Variants in SEL1L3 observed in about 807,000 individuals in gnomAD.
SEL1L3 encodes SEL1L family member 3.
A neutral mutation model predicts 142.8 loss-of-function variants in SEL1L3; 76 were observed. The observed-to-expected ratio is 0.53, with a 90% CI of 0.44 to 0.64. SEL1L3 has a LOEUF of 0.64. Ranked by LOEUF, SEL1L3 falls within the 30% of genes least tolerant of loss-of-function variation. SEL1L3 has a pLI of 0.00. For synonymous variants in SEL1L3, 504 were observed against 519.6 expected, an observed-to-expected ratio of 0.97 and a Z score of 0.41; for missense variants, 1,262 against 1,381.7, an observed-to-expected ratio of 0.91 and a Z score of 1.37.
chr4:25,787,820 T>A (rs1711957300), intron 13 of SEL1L3, among the ~76,000 whole-genome samples: 1 of 152,156 alleles, frequency 6.6e-6, no homozygotes, highest in Non-Finnish European at 1.5e-5. Flanking sequence ...AAAACCAAGA[T>A]CTTTATTTTC....
intron 19 of SEL1L3, among the ~76,000 whole-genome samples, chr4:25,767,245 A>G (rs910338980): frequency 6.6e-6 from 1 of 152,180 alleles, no homozygotes; most frequent in Non-Finnish European, 1.5e-5. Context: ...AGATCATTCC[A>G]CTGCACTCCA....
intron 6 of SEL1L3, among the ~76,000 whole-genome samples, chr4:25,823,822 A>G (rs1181834931): frequency 6.6e-6 from 1 of 152,130 alleles, no homozygotes; most frequent in Non-Finnish European, 1.5e-5. Flanking sequence ...AGGGCAAGCT[A>G]CCCACAGTTG....
intron 11 of SEL1L3, among the ~76,000 whole-genome samples, chr4:25,795,824 T>A (rs2109204786): frequency 6.6e-6 from 1 of 152,124 alleles, no homozygotes; most frequent in South Asian, 2.1e-4. Context: ...CACAAAGACT[T>A]CGGAGGCAGG....
chr4:25,807,264 G>A (rs1394563162), intron 9 of SEL1L3, among the ~76,000 whole-genome samples: 10 of 152,110 alleles, frequency 6.6e-5, no homozygotes, highest in Admixed American at 2.0e-4. Flanking sequence ...CCAACAACGT[G>A]GCATTGAACA....
chr4:25,736,460 G>A, the SEL1L3 span, among the ~76,000 whole-genome samples: 1 of 151,528 alleles, frequency 6.6e-6, no homozygotes, highest in Admixed American at 6.6e-5. Flanking sequence ...CTGACCTCAG[G>A]TGATCCACCC....
Position 25,749,557 on chromosome 4 carries a change from C to T in SEL1L3, c.3260-993G>A, listed in dbSNP as rs759610654. ...ATCACTGCACAAGCCCCCCACAGCC[C>T]GGCCTAATTTTAAAGTGGCCTCTTT... is the stretch of plus-strand genomic sequence containing the variant. On this transcript the variant is annotated intron_variant, in intron 23 of 23. Transcript: ENST00000399878. Among the ~76,000 whole-genome samples the T allele has an allele frequency of 4.6e-5, 7 of 152,298 alleles. No homozygotes were observed. In the South Asian group the frequency reaches 8.3e-4, roughly 18 times the overall value.
chr4:25,730,832 C>A, the SEL1L3 span, among the ~76,000 whole-genome samples: 14 of 152,100 alleles, frequency 9.2e-5, no homozygotes, highest in Admixed American at 9.2e-4. Flanking sequence ...AGTTCAAGAC[C>A]AGCCTGGCCA....
the SEL1L3 span, among the ~76,000 whole-genome samples, chr4:25,738,043 C>A: frequency 6.6e-6 from 1 of 152,068 alleles, no homozygotes; most frequent in African/African-American, 2.4e-5. Flanking sequence ...TTACGTGCCG[C>A]CACACCTGCC....
intron 1 of SEL1L3, among the ~76,000 whole-genome samples, chr4:25,861,407 C>T (rs1377021317): frequency 6.6e-6 from 1 of 152,200 alleles, no homozygotes; most frequent in Admixed American, 6.5e-5. Context: ...GGTAGATGCA[C>T]AGGCAGAATT....
intron 19 of SEL1L3, among the ~76,000 whole-genome samples, chr4:25,765,734 G>A (rs895344357): frequency 6.6e-6 from 1 of 151,896 alleles, no homozygotes; most frequent in Admixed American, 6.6e-5. Flanking sequence ...GACTTCCTGG[G>A]CTCAAGTGAT....
At chr4:25,730,746 C>T in the SEL1L3 span, among the ~76,000 whole-genome samples, 15,901 of 152,088 alleles carry the variant, frequency 0.1, 1,054 homozygotes, top group Non-Finnish European at 0.15. Flanking sequence ...GATTCCTCTA[C>T]GGCCAGGCAC....
chr4:25,860,918 G>A (rs1717661968), intron 1 of SEL1L3, among the ~76,000 whole-genome samples: 1 of 152,146 alleles, frequency 6.6e-6, no homozygotes, highest in South Asian at 2.1e-4. Flanking sequence ...CCCCCTTGGT[G>A]TACACAGAAC....
At chr4:25,839,850 T>C (rs962466804) in intron 2 of SEL1L3, among the ~76,000 whole-genome samples, 3 of 152,186 alleles carry the variant, frequency 2.0e-5, no homozygotes, top group African/African-American at 7.2e-5. Context: ...CGGGCAGGCA[T>C]ATAGAAGGAG....
intron 16 of SEL1L3, chr4:25,777,631 T>C (rs1372662502): frequency 1.2e-5 from 4 of 345,128 alleles, no homozygotes; most frequent in Non-Finnish European, 2.3e-5. Context: ...ATTGGAATCA[T>C]TCAGAATATA....
chr4:25,773,256 A>C (rs1719362117), intron 17 of SEL1L3: 1 of 152,220 alleles, frequency 6.6e-6, no homozygotes, highest in South Asian at 2.1e-4. Flanking sequence ...TAAAGAGGGC[A>C]AGGGGCAGAT....
chr4:25,842,016 T>C (rs889967429), intron 2 of SEL1L3, among the ~76,000 whole-genome samples: 11 of 152,136 alleles, frequency 7.2e-5, no homozygotes, highest in Non-Finnish European at 2.9e-5. Context: ...GCCTGGCACA[T>C]AGCAAATGTT....
At chr4:25,787,698 C>G (rs56188866) in intron 13 of SEL1L3, among the ~76,000 whole-genome samples, 62,756 of 152,062 alleles carry the variant, frequency 0.41, 13,066 homozygotes, top group Admixed American at 0.47. Context: ...AATTTGTGGT[C>G]ATTGCCACTG....
chr4:25,735,317 T>C, the SEL1L3 span, among the ~76,000 whole-genome samples: 1 of 152,116 alleles, frequency 6.6e-6, no homozygotes, highest in Admixed American at 6.6e-5. Flanking sequence ...AGTGCTAGGA[T>C]TACAGGCGTG....
intron 11 of SEL1L3, among the ~76,000 whole-genome samples, chr4:25,801,549 T>TG (rs1331614499): frequency 6.6e-6 from 1 of 152,260 alleles, no homozygotes; most frequent in African/African-American, 2.4e-5. Flanking sequence ...GAAAGAAGTC[T>TG]GGAAGCAAAC....
Sources: gnomAD v4.1 joint callset for allele counts (sites outside exome capture counted in the v4.1 genomes callset) on GRCh38, gnomAD v4.1.1 for gene constraint, MANE v1.5 for transcripts, NCBI Gene and HGNC (gene_info 2026-07-23, HGNC 2026-07-21) for gene names.